C14orf132: variants seen among roughly 807,000 people sequenced by gnomAD.
C14orf132 encodes the protein chromosome 14 open reading frame 132.
A neutral mutation model predicts 5.8 loss-of-function variants in C14orf132; 6 were observed. The ratio of observed to expected loss-of-function variants is 1.03; its 90% confidence interval spans 0.57 to 2.04. The LOEUF (loss-of-function observed/expected upper bound fraction) is 2.04, where lower values mean the gene tolerates loss of function less well. Ranked by LOEUF, C14orf132 falls within the 30% of genes most tolerant of loss-of-function variation. C14orf132 has a pLI of 0.00. For synonymous variants in C14orf132, 51 were observed against 49.8 expected (o/e 1.02, Z -0.10); for missense variants, 125 against 115.8 (o/e 1.08, Z -0.37).
At position 96,088,588 on chromosome 14, in the gene C14orf132, A is replaced by G. The variant is rs1472750266; in HGVS notation, c.*1853A>G. On this transcript the variant is annotated 3_prime_UTR_variant, in exon 2 of 2. Coordinates refer to ENST00000555004, the MANE Select transcript of C14orf132 (RefSeq NM_001252507.3). ...GCCCCATAAGCAAGATCTTTAACAG[A>G]TGGATGTCTCCATGAGAAAACCCAA... 6 of 152,236 alleles carry G rather than the reference A, an allele frequency of 3.9e-5. No homozygotes were observed. Among genetic ancestry groups the G allele is most frequent in the Non-Finnish European group, 8.8e-5 (6 of 68,086 alleles). The allele number at this position is 152,236 out of a possible 1,614,324, so 9.4% of individuals were successfully genotyped here. A position where few individuals can be genotyped will look rare whatever the true frequency, so the allele number is the denominator to read the frequency against.
intron 1 of C14orf132, among the ~76,000 whole-genome samples, chr14:96,060,990 A>G (rs1887336371): frequency 6.6e-6 from 1 of 152,238 alleles, no homozygotes; most frequent in South Asian, 2.1e-4. Context: ...AGTCCTTCCC[A>G]GAACATGCAC....
Position 96,069,272 on chromosome 14 carries a change from T to TATAC in C14orf132, c.28-17236_28-17235insCATA, listed in dbSNP as rs1887635107. On this transcript the variant is annotated intron_variant, in intron 1 of 1. Coordinates refer to ENST00000555004, the MANE Select transcript of C14orf132 (RefSeq NM_001252507.3). ...GTTTATGTTCATATATATATATATA[T>TATAC]ATATATATATATATATATATATATA... is the stretch of plus-strand genomic sequence containing the variant. Among the ~76,000 whole-genome samples, 3 of 22,192 alleles carry TATAC rather than the reference T, an allele frequency of 1.4e-4. No homozygotes were observed. The Admixed American group carries it at 1.8e-3, about 13-fold the overall frequency. The allele number at this position is 22,192 out of a possible 152,430, so 14.6% of individuals were successfully genotyped here.
rs116301674 is a variant in C14orf132, at chr14:96,063,315, T to G, written c.28-23196T>G. On this transcript the variant is annotated intron_variant, in intron 1 of 1. Coordinates refer to ENST00000555004, the MANE Select transcript of C14orf132 (RefSeq NM_001252507.3). ...GGACTGTGGTATCCTTTTGTTTGTT[T>G]GTTTGTTTTTTGAGACAGAGTCTCG... Among the ~76,000 whole-genome samples the G allele has an allele frequency of 7.1e-3, 1,085 of 152,230 alleles. 18 individuals carry two copies. The highest frequency in any genetic ancestry group is 0.025 in the African/African-American group (1,033 of 41,486).
At chr14:96,071,431 C>G (rs935026453) in intron 1 of C14orf132, among the ~76,000 whole-genome samples, 15 of 152,190 alleles carry the variant, frequency 9.9e-5, no homozygotes, top group African/African-American at 3.6e-4. Context: ...TGTCTCCCTT[C>G]AAGCCTTCAT....
At chr14:96,040,342 G>A (rs954089756) in intron 1 of C14orf132, 1 of 398,454 alleles carries the variant, frequency 2.5e-6, no homozygotes, top group African/African-American at 2.1e-5. Flanking sequence ...CTGGCTCCAG[G>A]GAAGGGCTGC....
intron 1 of C14orf132, among the ~76,000 whole-genome samples, chr14:96,044,997 A>G (rs1175183204): frequency 6.6e-6 from 1 of 152,206 alleles, no homozygotes; most frequent in Non-Finnish European, 1.5e-5. Context: ...CGTAAAGGAT[A>G]AGCATCTTGG....
chr14:96,080,489 T>G (rs1319361347), intron 1 of C14orf132, among the ~76,000 whole-genome samples: 2 of 152,094 alleles, frequency 1.3e-5, no homozygotes, highest in Non-Finnish European at 2.9e-5. Context: ...CAATCACCCT[T>G]CTATTGTTTT....
At chr14:96,075,464 G>A (rs561652309) in intron 1 of C14orf132, among the ~76,000 whole-genome samples, 35 of 152,246 alleles carry the variant, frequency 2.3e-4, no homozygotes, top group Admixed American at 1.9e-3. Flanking sequence ...TTGAATGGGA[G>A]TGGTGAGGTT....
intron 1 of C14orf132, among the ~76,000 whole-genome samples, chr14:96,063,755 A>G (rs543074855): frequency 6.6e-6 from 1 of 152,204 alleles, no homozygotes; most frequent in Non-Finnish European, 1.5e-5. Flanking sequence ...TTTGCACGGC[A>G]AAAGGAACAG....
rs1349883328 is a variant in C14orf132, at chr14:96,093,517, T to A, written c.*6782T>A. 1 of 152,232 alleles carries A rather than the reference T, an allele frequency of 6.6e-6. No homozygotes were observed. Among genetic ancestry groups the A allele is most frequent in the Non-Finnish European group, 1.5e-5 (1 of 68,044 alleles). 9.4% of individuals were successfully genotyped at this position (152,232 alleles called of 1,614,324 possible). A position where few individuals can be genotyped will look rare whatever the true frequency, so the allele number is the denominator to read the frequency against. On this transcript the variant is annotated 3_prime_UTR_variant, in exon 2 of 2. Coordinates refer to ENST00000555004, the MANE Select transcript of C14orf132 (RefSeq NM_001252507.3). Reference sequence around the variant, plus strand: ...ATATTCTTTATACTATTTAATCTTTTGCAGAAACCTTACTATTATAACTTG... The same window carrying A: ...ATATTCTTTATACTATTTAATCTTTAGCAGAAACCTTACTATTATAACTTG...
intron 1 of C14orf132, among the ~76,000 whole-genome samples, chr14:96,065,589 C>A (rs1298459866): frequency 1.3e-5 from 2 of 150,838 alleles, no homozygotes; most frequent in Admixed American, 6.6e-5. Flanking sequence ...CCTTCTCTCT[C>A]TCTTCCTCCA....
At chr14:96,063,925 C>T (rs1887440201) in intron 1 of C14orf132, among the ~76,000 whole-genome samples, 1 of 152,068 alleles carries the variant, frequency 6.6e-6, no homozygotes, top group African/African-American at 2.4e-5. Flanking sequence ...CATGAATAGA[C>T]AATTTTCAAA....
chr14:96,075,470 A>G (rs554053672), intron 1 of C14orf132, among the ~76,000 whole-genome samples: 65 of 152,166 alleles, frequency 4.3e-4, no homozygotes, highest in Middle Eastern at 6.8e-3. Context: ...GGGAGTGGTG[A>G]GGTTAGACAT....
intron 1 of C14orf132, among the ~76,000 whole-genome samples, chr14:96,043,728 C>T (rs1023951021): frequency 2.6e-5 from 4 of 152,172 alleles, no homozygotes; most frequent in Non-Finnish European, 5.9e-5. Flanking sequence ...CCACTTCTCC[C>T]TCCCTGGATG....
Position 96,092,422 on chromosome 14 carries a change from T to C in C14orf132, c.*5687T>C, listed in dbSNP as rs1411242582. 1 of 152,202 alleles carries C rather than the reference T, an allele frequency of 6.6e-6. No homozygotes were observed. Among genetic ancestry groups the C allele is most frequent in the East Asian group, 1.9e-4 (1 of 5,200 alleles). 9.4% of individuals were successfully genotyped at this position (152,202 alleles called of 1,614,324 possible). On this transcript the variant is annotated 3_prime_UTR_variant, in exon 2 of 2. Coordinates refer to ENST00000555004, the MANE Select transcript of C14orf132 (RefSeq NM_001252507.3). ...ATCCTGACAGATGTGCACAGCATATTTGCAGGGAATTTGCAGGCCTCGATT... is the reference window on the plus strand; with the variant it reads ...ATCCTGACAGATGTGCACAGCATATCTGCAGGGAATTTGCAGGCCTCGATT...
chr14:96,046,994 A>T (rs1886847690), intron 1 of C14orf132, among the ~76,000 whole-genome samples: 1 of 152,212 alleles, frequency 6.6e-6, no homozygotes. Flanking sequence ...TGCCCAGAAA[A>T]ATAGAATTCT....
At chr14:96,065,983 C>G (rs968769932) in intron 1 of C14orf132, among the ~76,000 whole-genome samples, 8 of 152,112 alleles carry the variant, frequency 5.3e-5, no homozygotes, top group Admixed American at 1.3e-4. Flanking sequence ...CCGCTGAGAT[C>G]CAGTGAAAGT....
intron 1 of C14orf132, among the ~76,000 whole-genome samples, chr14:96,041,204 CAT>C (rs1886686073): frequency 6.6e-6 from 1 of 152,176 alleles, no homozygotes; most frequent in African/African-American, 2.4e-5. Flanking sequence ...AAGTACCACA[CAT>C]ATGAGAACAG....
At chr14:96,044,325 C>A (rs1008386120) in intron 1 of C14orf132, among the ~76,000 whole-genome samples, 1 of 152,184 alleles carries the variant, frequency 6.6e-6, no homozygotes, top group Non-Finnish European at 1.5e-5. Context: ...AGGCACATGC[C>A]ACCATGGCTG....
Sources: allele counts gnomAD v4.1 joint callset (sites outside exome capture counted in the v4.1 genomes callset), GRCh38; gene constraint gnomAD v4.1.1; transcripts MANE v1.5; gene names NCBI Gene and HGNC (gene_info 2026-07-23, HGNC 2026-07-21).